The following CBLN3 variants were observed in gnomAD, a reference collection of about 807,000 sequenced individuals.
The protein encoded by CBLN3 is cerebellin 3 precursor.
Under a neutral mutation model 17.4 loss-of-function variants are expected in CBLN3, and 14 were observed. That is an observed-to-expected ratio of 0.81 (90% confidence interval 0.53 to 1.26). CBLN3 has a LOEUF of 1.26. Among genes scored for constraint, CBLN3 ranks in the 50% most tolerant of loss-of-function variants. The pLI is 0.00. For missense variants in CBLN3, 263 were observed against 268.5 expected, an observed-to-expected ratio of 0.98 and a Z score of 0.14; for synonymous variants, 129 against 117.4, an observed-to-expected ratio of 1.10 and a Z score of -0.64.
chr14:24,427,794 G>A lies in CBLN3; in HGVS notation c.613C>T (p.Leu205Phe). 1 of 1,613,928 alleles carries A rather than the reference G, an allele frequency of 6.2e-7. No homozygotes were observed. The highest frequency in any genetic ancestry group is 1.3e-5 in the African/African-American group (1 of 75,034). ...TGCTTGAAAGACTTGGGTCCTCAGAGAGGGAAGATGAGGAAGCCAGAGAAA... is the reference window on the plus strand; with the variant it reads ...TGCTTGAAAGACTTGGGTCCTCAGAAAGGGAAGATGAGGAAGCCAGAGAAA... ...SSFSGFLIFP[L>F] The change falls in exon 3 of 3, where the codon CTC becomes TTC. Residue 205 changes from leucine to phenylalanine, a missense_variant. Transcript: ENST00000267406. The surrounding 1 kb of genome is among the most constrained non-coding windows in gnomAD (Gnocchi z 4.4).
Position 24,428,284 on chromosome 14 carries a change from A to G in CBLN3, c.420+2T>C. The G allele has an allele frequency of 6.2e-7, 1 of 1,613,602 alleles. No homozygotes were observed. Among genetic ancestry groups the G allele is most frequent in the Non-Finnish European group, 8.5e-7 (1 of 1,179,878 alleles). Reference sequence around the variant, plus strand: ...GGGGATGGGGGCCAGTGCTGAGGTCACCTGGACAGTTTGGCGGTTGTACAC... The same window carrying G: ...GGGGATGGGGGCCAGTGCTGAGGTCGCCTGGACAGTTTGGCGGTTGTACAC... On this transcript the variant is annotated splice_donor_variant, in intron 2 of 2. Transcript: ENST00000267406. LOFTEE classifies it high-confidence loss of function.
At position 24,427,759 on chromosome 14, in the gene CBLN3, T is replaced by G. The variant is rs1365563083; in HGVS notation, c.*30A>C. The G allele has an allele frequency of 6.2e-7, 1 of 1,608,884 alleles. No homozygotes were observed. Among genetic ancestry groups the G allele is most frequent in the Admixed American group, 1.7e-5 (1 of 59,966 alleles). ...AGGGCAGAAGAAAGTTGTCAGGGGC[T>G]GGATTCTTGTGCTTGAAAGACTTGG... On this transcript the variant is annotated 3_prime_UTR_variant, in exon 3 of 3. Transcript: ENST00000267406. This position sits in a 1 kb window ranked among gnomAD's most constrained non-coding sequence, Gnocchi z 4.4.
In CBLN3 at chr14:24,428,777, C is replaced by G; in HGVS notation, c.278G>C (p.Ser93Thr). 6.2e-7 allele frequency: 1 copy of G among 1,601,310 alleles called. No individual in the cohort carries two copies. The highest frequency in any genetic ancestry group is 8.5e-7 in the Non-Finnish European group (1 of 1,171,914). The part of the protein sequence containing the change: ...EPAGETGNGT[S>T]GAIYFDQVLV... ...TACCTGGTCGAAGTAGATGGCCCCA[C>G]TGGTGCCATTGCCGGTTTCCCCTGC... is the stretch of plus-strand genomic sequence containing the variant. The change falls in exon 1 of 3, where the codon AGT (serine) becomes ACT (threonine). Residue 93 changes from serine to threonine, a missense_variant. Ser to Thr is a moderately conservative substitution (Grantham distance 58). Transcript: ENST00000267406.
Position 24,427,677 on chromosome 14 carries a change from G to T in CBLN3, c.*112C>A. ...TTGGCACAGGGTCCCATGCAAAGAGGTGGGATAGGAGCCAGAGGGAGTCTC... is the reference window on the plus strand; with the variant it reads ...TTGGCACAGGGTCCCATGCAAAGAGTTGGGATAGGAGCCAGAGGGAGTCTC... On this transcript the variant is annotated 3_prime_UTR_variant, in exon 3 of 3. Coordinates refer to ENST00000267406, the MANE Select transcript of CBLN3 (RefSeq NM_001039771.3). The surrounding 1 kb of genome is among the most constrained non-coding windows in gnomAD (Gnocchi z 4.4). 1.0e-6 allele frequency: 1 copy of T among 963,116 alleles called. No homozygotes were observed. The allele number at this position is 963,116 out of a possible 1,614,324, so 59.7% of individuals were successfully genotyped here.
At chr14:24,428,445 GC>G in intron 1 of CBLN3, 40 bp from the exon 2 acceptor site, 1 of 1,610,914 alleles carries the variant, frequency 6.2e-7, no homozygotes, top group Non-Finnish European at 8.5e-7. Flanking sequence ...CTCAGGAAAT[GC>G]CCATGGCTCA....
At position 24,428,963 on chromosome 14, in the gene CBLN3, C is replaced by T. The variant is rs2043055745; in HGVS notation, c.92G>A (p.Trp31Ter). Residue 31 changes from tryptophan to a stop codon, truncating the protein, a stop_gained, in exon 1 of 3, where the codon TGG becomes TAG. Coordinates refer to ENST00000267406, the MANE Select transcript of CBLN3 (RefSeq NM_001039771.3). LOFTEE classifies it high-confidence loss of function. The part of the protein sequence containing the change: ...VLVLLALGAG[W>*]AQEGSEPVLL... ...GACGGGCTCTGACCCCTCCTGGGCC[C>T]ACCCGGCCCCCAGGGCCAGAAGCAC... 7 of 1,551,678 alleles carry T rather than the reference C, an allele frequency of 4.5e-6. No individual in the cohort carries two copies. The highest frequency in any genetic ancestry group is 6.1e-6 in the Non-Finnish European group (7 of 1,147,230).
chr14:24,428,157 C>T, intron 2 of CBLN3, 129 bp downstream of exon 2: 1 of 1,388,556 alleles, frequency 7.2e-7, no homozygotes, highest in South Asian at 1.3e-5. Context: ...CAAGGCAGGC[C>T]CATTCCTCCC....
In CBLN3 at chr14:24,428,932, C is replaced by T. The variant is rs1365602346; in HGVS notation, c.123G>A (p.Leu41=). ...CACAGACCACCAGGCACTCCCCCTC[C>T]AGCAGGACGGGCTCTGACCCCTCCT... The part of the protein sequence containing the change: ...WAQEGSEPVL[L]EGECLVVCEP... The change falls in exon 1 of 3, where the codon CTG becomes CTA. Residue 41 remains leucine, a synonymous_variant. Coordinates refer to ENST00000267406, the MANE Select transcript of CBLN3 (RefSeq NM_001039771.3). 6.4e-7 allele frequency: 1 copy of T among 1,557,604 alleles called. No homozygotes were observed. Among genetic ancestry groups the T allele is most frequent in the Non-Finnish European group, 8.7e-7 (1 of 1,150,610 alleles).
chr14:24,428,929 C>A lies in CBLN3; in HGVS notation c.126G>T (p.Glu42Asp). The change falls in exon 1 of 3, where the codon GAG becomes GAT. Residue 42 changes from glutamate to aspartate, a missense_variant. By Grantham distance (45) the Glu-to-Asp change is conservative. Coordinates refer to ENST00000267406, the MANE Select transcript of CBLN3 (RefSeq NM_001039771.3). ...AQEGSEPVLL[E>D]GECLVVCEPG... ...GCTCACAGACCACCAGGCACTCCCC[C>A]TCCAGCAGGACGGGCTCTGACCCCT... The A allele has an allele frequency of 1.3e-6, 2 of 1,558,952 alleles. No individual in the cohort carries two copies. Among genetic ancestry groups the A allele is most frequent in the Admixed American group, 1.9e-5 (1 of 51,774 alleles).
In CBLN3 at chr14:24,427,856, C is replaced by A. The variant is rs761676366; in HGVS notation, c.551G>T (p.Arg184Leu). ...CCAACCACCCAGTAGATTCCCCCGACGCAGGCGCAGAGACACTCGGTCCCC... is the reference window on the plus strand; with the variant it reads ...CCAACCACCCAGTAGATTCCCCCGAAGCAGGCGCAGAGACACTCGGTCCCC... Reference protein sequence around the residue: ...DPGDRVSLRLRRGNLLGGWKY... With the variant: ...DPGDRVSLRLLRGNLLGGWKY... Residue 184 changes from arginine to leucine, a missense_variant, in exon 3 of 3, where the codon CGT becomes CTT. Transcript: ENST00000267406. The surrounding 1 kb of genome is among the most constrained non-coding windows in gnomAD (Gnocchi z 4.4). The A allele has an allele frequency of 6.2e-7, 1 of 1,614,114 alleles. No individual in the cohort carries two copies. Among genetic ancestry groups the A allele is most frequent in the Non-Finnish European group, 8.5e-7 (1 of 1,180,014 alleles).
rs570039728 is a variant in CBLN3 at position 24,427,252 on chromosome 14, C to T, written c.*537G>A. On this transcript the variant is annotated 3_prime_UTR_variant, in exon 3 of 3. Transcript: ENST00000267406. The surrounding 1 kb of genome is among the most constrained non-coding windows in gnomAD (Gnocchi z 4.4). ...ACCAGCCACAGACTCCAGGCCCTTCCCACCCTTCTGCCTGTGGCTGAGCCT... is the reference window on the plus strand; with the variant it reads ...ACCAGCCACAGACTCCAGGCCCTTCTCACCCTTCTGCCTGTGGCTGAGCCT... The T allele has an allele frequency of 1.2e-5, 2 of 164,092 alleles. No homozygotes were observed. Among genetic ancestry groups the T allele is most frequent in the South Asian group, 3.2e-4 (2 of 6,164 alleles). 10.2% of individuals were successfully genotyped at this position (164,092 alleles called of 1,614,324 possible). A position where few individuals can be genotyped will look rare whatever the true frequency, so the allele number is the denominator to read the frequency against.
At position 24,429,288 on chromosome 14, in the gene CBLN3, G is replaced by A. The variant is rs2043061172; in HGVS notation, c.-234C>T. ...TGCAGTGACAGCAGTTGGGCTTTGG[G>A]AGAGAAAGGAGGGATGAAGCCGCCT... On this transcript the variant is annotated 5_prime_UTR_variant, in exon 1 of 3. Transcript: ENST00000267406. 1 of 697,210 alleles carries A rather than the reference G, an allele frequency of 1.4e-6. No homozygotes were observed. Among genetic ancestry groups the A allele is most frequent in the African/African-American group, 1.8e-5 (1 of 56,682 alleles). The allele number at this position is 697,210 out of a possible 1,614,324, so 43.2% of individuals were successfully genotyped here.
In CBLN3 at chr14:24,427,688, G is replaced by T; in HGVS notation, c.*101C>A. 1 of 1,073,392 alleles carries T rather than the reference G, an allele frequency of 9.3e-7. No homozygotes were observed. The highest frequency in any genetic ancestry group is 1.4e-6 in the Non-Finnish European group (1 of 706,070). The allele number at this position is 1,073,392 out of a possible 1,614,324, so 66.5% of individuals were successfully genotyped here. On this transcript the variant is annotated 3_prime_UTR_variant, in exon 3 of 3. Transcript: ENST00000267406. The surrounding 1 kb of genome is among the most constrained non-coding windows in gnomAD (Gnocchi z 4.4). ...TCCCATGCAAAGAGGTGGGATAGGA[G>T]CCAGAGGGAGTCTCTCTCCTGCCTC... is the stretch of plus-strand genomic sequence containing the variant.
intron 1 of CBLN3, 59 bp downstream of exon 1, chr14:24,428,696 T>A (rs1225491584): frequency 1.3e-6 from 2 of 1,508,898 alleles, no homozygotes; most frequent in Admixed American, 4.4e-5. Context: ...GCTTGGACAG[T>A]TGCTTCCAGG....
rs1021248095 is a variant in CBLN3, at chr14:24,428,163, C to T, written c.420+123G>A. ...CACTCAATGCAAGGCAGGCCCATTC[C>T]TCCCCTGGTCCTGGCCTCCAGGACA... On this transcript the variant is annotated intron_variant, in intron 2 of 2. Transcript: ENST00000267406. The T allele has an allele frequency of 7.8e-6, 11 of 1,419,150 alleles. No individual in the cohort carries two copies. The African/African-American group carries it at 1.6e-4, about 20-fold the overall frequency. The allele number at this position is 1,419,150 out of a possible 1,614,324, so 87.9% of individuals were successfully genotyped here.
chr14:24,428,099 G>A, intron 2 of CBLN3, 113 bp from the exon 3 acceptor site: 1 of 1,345,264 alleles, frequency 7.4e-7, no homozygotes, highest in South Asian at 1.3e-5. Flanking sequence ...TCCCGGGAGG[G>A]CTGAGGGGCG....
In CBLN3 at chr14:24,428,917, C is replaced by CA. The variant is rs774362547; in HGVS notation, c.137dup (p.Val47GlyfsTer4). Reference sequence around the variant, plus strand: ...CAGCTCGGCCAGGCTCACAGACCACCAGGCACTCCCCCTCCAGCAGGACGG... The same window carrying CA: ...CAGCTCGGCCAGGCTCACAGACCACCAAGGCACTCCCCCTCCAGCAGGACGG... On this transcript the variant is annotated frameshift_variant, in exon 1 of 3. Coordinates refer to ENST00000267406, the MANE Select transcript of CBLN3 (RefSeq NM_001039771.3). LOFTEE classifies it high-confidence loss of function. The CA allele has an allele frequency of 4.5e-6, 7 of 1,565,612 alleles. No individual in the cohort carries two copies. Among genetic ancestry groups the CA allele is most frequent in the Middle Eastern group, 1.7e-4 (1 of 6,006 alleles).
At chr14:24,428,626 G>T (rs1336555254) in intron 1 of CBLN3, 129 bp downstream of exon 1, 3 of 1,187,110 alleles carry the variant, frequency 2.5e-6, no homozygotes, top group East Asian at 4.8e-5. Context: ...GGGGCAATAG[G>T]CCAGATTAGT....
chr14:24,429,591 C>T lies in CBLN3; in HGVS notation c.-537G>A. 1 of 799,966 alleles carries T rather than the reference C, an allele frequency of 1.3e-6. No homozygotes were observed. The highest frequency in any genetic ancestry group is 1.7e-5 in the South Asian group (1 of 59,248). 49.6% of individuals were successfully genotyped at this position (799,966 alleles called of 1,614,324 possible). A position where few individuals can be genotyped will look rare whatever the true frequency, so the allele number is the denominator to read the frequency against. ...CTCCACCACGGGTACCCTCCGCCTC[C>T]CGCCTCCCGCCTACCCCCTCCGCCA... On this transcript the variant is annotated 5_prime_UTR_variant, in exon 1 of 3. Transcript: ENST00000267406.
Sources: allele counts gnomAD v4.1 joint callset, GRCh38; gene constraint gnomAD v4.1.1; non-coding constraint Gnocchi (gnomAD v3.1); transcripts MANE v1.5; gene names NCBI Gene and HGNC (gene_info 2026-07-23, HGNC 2026-07-21).